KIF4A: variants seen among roughly 807,000 people sequenced by gnomAD.
KIF4A encodes kinesin family member 4A.
A neutral mutation model predicts 105.9 loss-of-function variants in KIF4A; 7 were observed. That is an observed-to-expected ratio of 0.07 (90% CI 0.04 to 0.12). The LOEUF is 0.12. KIF4A is among the 10% of genes least tolerant of loss of function. The probability of loss-of-function intolerance (pLI) is 1.00; values close to 1 mark genes in which losing one functional copy is unlikely to be tolerated. For missense variants in KIF4A, 558 were observed against 929.2 expected (o/e 0.60, Z 5.19); for synonymous variants, 281 against 331.3 (o/e 0.85, Z 1.65).
At chrX:70,359,444 T>G (rs1295990014) in intron 15 of KIF4A, among the ~76,000 whole-genome samples, 2 of 108,967 alleles carry the variant, frequency 1.8e-5, no homozygotes, top group Non-Finnish European at 3.8e-5. Context: ...TCTTTCTCTC[T>G]CTCTCTCTCT....
intron 25 of KIF4A, 122 bp from the exon 26 acceptor site, chrX:70,405,706 G>A (rs993625494): frequency 1.9e-6 from 1 of 522,263 alleles, no homozygotes; most frequent in South Asian, 2.8e-5. Context: ...AGTGCCTGCT[G>A]TGCAAAAACC....
chrX:70,417,528 TC>T (rs1308088479), intron 28 of KIF4A, among the ~76,000 whole-genome samples: 1 of 111,791 alleles, frequency 8.9e-6, no homozygotes, highest in East Asian at 2.8e-4. Flanking sequence ...GCACCTGTAA[TC>T]CCAGCTACTC....
chrX:70,345,182 A>G (rs1355349881), intron 13 of KIF4A, among the ~76,000 whole-genome samples: 3 of 112,298 alleles, frequency 2.7e-5, no homozygotes, highest in Admixed American at 1.9e-4. Flanking sequence ...AGCATTATTC[A>G]TCTGGGCGCA....
In KIF4A at chrX:70,419,771, C is replaced by T. The variant is rs368822876; in HGVS notation, c.3483C>T (p.Thr1161=). The change falls in exon 30 of 31, where the codon ACC becomes ACT. Residue 1161 remains threonine, a synonymous_variant. Coordinates refer to ENST00000374403, the MANE Select transcript of KIF4A (RefSeq NM_012310.5). The part of the protein sequence containing the change: ...GLSFFNPVCA[T]PNSKILKEMC... Reference sequence around the variant, plus strand: ...GCTTCTTTAATCCCGTCTGTGCCACCCCCAATAGCAAGGTAGGTGGGCTAA... The same window carrying T: ...GCTTCTTTAATCCCGTCTGTGCCACTCCCAATAGCAAGGTAGGTGGGCTAA... 1.7e-5 allele frequency: 21 copies of T among 1,208,484 alleles called. No homozygotes were observed. The highest frequency in any genetic ancestry group is 2.2e-5 in the Non-Finnish European group (20 of 894,961).
intron 28 of KIF4A, among the ~76,000 whole-genome samples, chrX:70,414,415 G>T (rs189025678): frequency 1.8e-5 from 2 of 111,797 alleles, no homozygotes; most frequent in East Asian, 5.6e-4. Flanking sequence ...ACTGATTTTA[G>T]GCCTCATGAA....
At chrX:70,316,433 A>G (rs1193089793) in intron 7 of KIF4A, among the ~76,000 whole-genome samples, 2 of 111,346 alleles carry the variant, frequency 1.8e-5, no homozygotes, top group Non-Finnish European at 3.8e-5. Flanking sequence ...AAACATATTT[A>G]GGCCACTGCC....
At chrX:70,344,629 CAT>C (rs1409491428) in intron 13 of KIF4A, among the ~76,000 whole-genome samples, 2 of 111,513 alleles carry the variant, frequency 1.8e-5, no homozygotes, top group African/African-American at 6.5e-5. Context: ...CGTACTATAA[CAT>C]ACTATGTTAA....
At chrX:70,345,418 T>C (rs2085988374) in intron 13 of KIF4A, among the ~76,000 whole-genome samples, 1 of 106,883 alleles carries the variant, frequency 9.4e-6, no homozygotes, top group African/African-American at 3.4e-5. Context: ...GAGCCGAGAT[T>C]GTGCCACTGC....
intron 15 of KIF4A, chrX:70,362,462 GATCTAGTCTTTTTCCCCATGGC>G (rs1172721857): frequency 5.8e-4 from 76 of 130,164 alleles, no homozygotes; most frequent in African/African-American, 2.2e-3. Context: ...TATAGTAAGA[GATCTAGTCTTTTTCCCCATGGC>G]ATCTAGTCCT....
At chrX:70,403,743 T>C (rs2086290217) in intron 23 of KIF4A, 121 bp from the exon 24 acceptor site, 1 of 576,594 alleles carries the variant, frequency 1.7e-6, no homozygotes, top group Non-Finnish European at 2.7e-6. Context: ...AAGAATAGAC[T>C]TGAACATGGA....
At chrX:70,306,066 A>T (rs1198103597) in intron 7 of KIF4A, among the ~76,000 whole-genome samples, 1 of 111,652 alleles carries the variant, frequency 9.0e-6, no homozygotes, top group Admixed American at 9.5e-5. Flanking sequence ...ACCCATTTTG[A>T]GTTAATTTTT....
At chrX:70,349,081 G>C (rs753244445) in intron 13 of KIF4A, among the ~76,000 whole-genome samples, 24 of 56,878 alleles carry the variant, frequency 4.2e-4, no homozygotes, top group Middle Eastern at 0.022. Flanking sequence ...ACCTCCCAGA[G>C]GGGGCGGCCG....
chrX:70,330,047 T>C, intron 8 of KIF4A, 110 bp from the exon 9 acceptor site: 1 of 615,899 alleles, frequency 1.6e-6, no homozygotes, highest in East Asian at 3.4e-5. Context: ...CACTAAGAAC[T>C]TTTTCTTATA....
intron 9 of KIF4A, among the ~76,000 whole-genome samples, chrX:70,331,181 G>T (rs974057755): frequency 1.7e-4 from 19 of 109,969 alleles, no homozygotes; most frequent in Non-Finnish European, 2.8e-4. Context: ...GGGTTTTTGT[G>T]AGGGTTAAAT....
intron 15 of KIF4A, among the ~76,000 whole-genome samples, chrX:70,371,815 C>T (rs953812553): frequency 1.9e-5 from 2 of 102,986 alleles, no homozygotes; most frequent in Admixed American, 2.0e-4. Context: ...GATGGGGCGG[C>T]TGCCGGGCGG....
chrX:70,361,755 C>G (rs2086076645), intron 15 of KIF4A: 1 of 115,597 alleles, frequency 8.7e-6, no homozygotes, highest in African/African-American at 3.2e-5. Flanking sequence ...AACCTTGAAT[C>G]ACAGGAAGTG....
intron 15 of KIF4A, among the ~76,000 whole-genome samples, chrX:70,367,666 C>G (rs988447229): frequency 1.8e-5 from 2 of 111,886 alleles, no homozygotes; most frequent in African/African-American, 6.5e-5. Flanking sequence ...CGACCTTTCT[C>G]TCTGGCTGCC....
intron 10 of KIF4A, among the ~76,000 whole-genome samples, chrX:70,333,916 G>A (rs1365554856): frequency 8.9e-6 from 1 of 111,743 alleles, no homozygotes; most frequent in Non-Finnish European, 1.9e-5. Context: ...AGGAAGAGCT[G>A]TCTCTTCTTC....
chrX:70,335,935 A>G (rs2085948718), intron 10 of KIF4A, among the ~76,000 whole-genome samples: 1 of 111,680 alleles, frequency 9.0e-6, no homozygotes, highest in Non-Finnish European at 1.9e-5. Context: ...CCTATTTCCC[A>G]CCCTTATTTC....
Sources: gnomAD v4.1 joint callset for allele counts (sites outside exome capture counted in the v4.1 genomes callset) on GRCh38, gnomAD v4.1.1 for gene constraint, MANE v1.5 for transcripts, NCBI Gene and HGNC (gene_info 2026-07-23, HGNC 2026-07-21) for gene names.